BMPER: variants seen among roughly 807,000 people sequenced by gnomAD.
BMPER encodes BMP binding endothelial regulator.
In BMPER, 45 loss-of-function variants were observed where a neutral mutation model predicts 87.3. That is an observed-to-expected ratio of 0.52 (90% CI 0.41 to 0.66). BMPER has a LOEUF of 0.66. BMPER is among the 30% of genes least tolerant of loss of function. The pLI is 0.00. For missense variants in BMPER, 784 were observed against 867.5 expected (o/e 0.90, Z 1.21); for synonymous variants, 326 against 316.2 (o/e 1.03, Z -0.33).
intron 13 of BMPER, among the ~76,000 whole-genome samples, chr7:34,125,673 A>T (rs1790383019): frequency 6.6e-6 from 1 of 152,210 alleles, no homozygotes; most frequent in Non-Finnish European, 1.5e-5. Flanking sequence ...GACAGAGAGA[A>T]ATAAGCACAT....
At chr7:33,999,672 G>A (rs576994377) in intron 6 of BMPER, among the ~76,000 whole-genome samples, 13 of 152,342 alleles carry the variant, frequency 8.5e-5, no homozygotes, top group Non-Finnish European at 1.2e-4. Context: ...CAGCCTGTTG[G>A]CTGCTCAGTT....
intron 7 of BMPER, among the ~76,000 whole-genome samples, chr7:34,046,932 T>TG (rs1201030900): frequency 6.6e-6 from 1 of 151,746 alleles, no homozygotes; most frequent in African/African-American, 2.4e-5. Context: ...CTTTATTTTT[T>TG]TTTTTTTCTC....
intron 13 of BMPER, among the ~76,000 whole-genome samples, chr7:34,107,697 C>G (rs2127984973): frequency 6.6e-6 from 1 of 152,282 alleles, no homozygotes; most frequent in East Asian, 1.9e-4. Flanking sequence ...TCCAATGAGA[C>G]TGCTTTTTAT....
intron 3 of BMPER, among the ~76,000 whole-genome samples, chr7:33,941,218 T>C (rs1784757470): frequency 7.0e-6 from 1 of 143,452 alleles, no homozygotes; most frequent in South Asian, 2.1e-4. Context: ...AATATAATTT[T>C]AATATAAATA....
intron 6 of BMPER, among the ~76,000 whole-genome samples, chr7:34,041,480 C>T (rs1404651064): frequency 6.6e-6 from 1 of 152,162 alleles, no homozygotes; most frequent in East Asian, 1.9e-4. Context: ...AAAACCAAAT[C>T]TGAAAATCTT....
chr7:33,997,198 C>G (rs1238608485), intron 6 of BMPER, among the ~76,000 whole-genome samples: 1 of 152,150 alleles, frequency 6.6e-6, no homozygotes, highest in Non-Finnish European at 1.5e-5. Context: ...TGTCATGTCC[C>G]CCTCTGCTTC....
chr7:33,961,214 A>G (rs375530716), intron 3 of BMPER, among the ~76,000 whole-genome samples: 4 of 152,158 alleles, frequency 2.6e-5, no homozygotes, highest in South Asian at 4.1e-4. Context: ...AGAATAGAGG[A>G]TGAAGAGGTG....
In BMPER at chr7:34,098,508, TA is replaced by T. The variant is rs148360336; in HGVS notation, c.1745+12418del. Among the ~76,000 whole-genome samples, 1,077 of 152,350 alleles carry T rather than the reference TA, an allele frequency of 7.1e-3. 21 individuals carry two copies. Among genetic ancestry groups the T allele is most frequent in the African/African-American group, 0.024 (1,011 of 41,576 alleles). The stretch of plus-strand genomic sequence containing the variant: ...AATCTGGTGACGATACTGGAATTAA[TA>T]ATTCTTTTAACATGAAAGAGTTGTT... On this transcript the variant is annotated intron_variant, in intron 13 of 14. Coordinates refer to ENST00000649409, the MANE Select transcript of BMPER (RefSeq NM_001365308.1).
intron 2 of BMPER, among the ~76,000 whole-genome samples, chr7:33,907,330 A>G (rs1783848071): frequency 6.6e-6 from 1 of 152,176 alleles, no homozygotes; most frequent in Admixed American, 6.5e-5. Flanking sequence ...GACAAAGGGA[A>G]AGAGAGGTGA....
At chr7:33,999,675 G>A (rs1243866608) in intron 6 of BMPER, among the ~76,000 whole-genome samples, 1 of 152,204 alleles carries the variant, frequency 6.6e-6, no homozygotes, top group Admixed American at 6.5e-5. Flanking sequence ...CCTGTTGGCT[G>A]CTCAGTTTCT....
At chr7:34,147,296 AC>A (rs1320073867) in intron 14 of BMPER, among the ~76,000 whole-genome samples, 2 of 152,170 alleles carry the variant, frequency 1.3e-5, no homozygotes, top group Admixed American at 1.3e-4. Context: ...GACCTTCAGC[AC>A]CCCATAGGGG....
chr7:33,980,206 A>G (rs1477782209), intron 6 of BMPER, among the ~76,000 whole-genome samples: 1 of 152,220 alleles, frequency 6.6e-6, no homozygotes, highest in Non-Finnish European at 1.5e-5. Flanking sequence ...AAAAGAGCCA[A>G]GAGAATCACT....
chr7:33,991,666 A>G (rs1753741198), intron 6 of BMPER, among the ~76,000 whole-genome samples: 1 of 151,568 alleles, frequency 6.6e-6, no homozygotes, highest in South Asian at 2.1e-4. Context: ...TAGCTTTTGA[A>G]TGTGTTTGCT....
intron 6 of BMPER, among the ~76,000 whole-genome samples, chr7:34,041,412 T>C (rs1164396817): frequency 5.3e-5 from 8 of 152,188 alleles, no homozygotes; most frequent in African/African-American, 1.4e-4. Context: ...CCTCATCTGC[T>C]GTCACTCTTC....
intron 1 of BMPER, 26 bp downstream of exon 1, chr7:33,905,772 G>T: frequency 7.2e-7 from 1 of 1,383,888 alleles, no homozygotes; most frequent in Non-Finnish European, 9.7e-7. Context: ...GGAGGGACCG[G>T]CCCTCCGGGA....
At chr7:34,149,678 C>G (rs545448601) in intron 14 of BMPER, among the ~76,000 whole-genome samples, 13 of 152,054 alleles carry the variant, frequency 8.5e-5, no homozygotes, top group Admixed American at 1.3e-4. Context: ...GCAGAAGAAC[C>G]AGGAGAGTTC....
rs546494171 is a variant in BMPER at position 34,154,358 on chromosome 7, T to C, written c.*1085T>C. 2.0e-5 allele frequency: 3 copies of C among 152,372 alleles called. No individual in the cohort carries two copies. The East Asian group carries it at 5.8e-4, about 29-fold the overall frequency. 9.4% of individuals were successfully genotyped at this position (152,372 alleles called of 1,614,324 possible). A position where few individuals can be genotyped will look rare whatever the true frequency, so the allele number is the denominator to read the frequency against. On this transcript the variant is annotated 3_prime_UTR_variant, in exon 15 of 15. Coordinates refer to ENST00000649409, the MANE Select transcript of BMPER (RefSeq NM_001365308.1). Reference sequence around the variant, plus strand: ...TACTTGCCCTCATTTACTGATAGGCTGCTACTAGTTACCATTTGATTGTCT... The same window carrying C: ...TACTTGCCCTCATTTACTGATAGGCCGCTACTAGTTACCATTTGATTGTCT...
chr7:34,143,425 G>A (rs1416564911), intron 14 of BMPER, 65 bp downstream of exon 14: 1 of 1,601,940 alleles, frequency 6.2e-7, no homozygotes, highest in African/African-American at 1.3e-5. Context: ...GGCAATGGAG[G>A]AGACTTGTGG....
At chr7:34,106,670 C>T (rs190797245) in intron 13 of BMPER, among the ~76,000 whole-genome samples, 26 of 152,308 alleles carry the variant, frequency 1.7e-4, no homozygotes, top group Admixed American at 2.0e-4. Context: ...GCTTTTTGGG[C>T]CTTTCATCAG....
Sources: gnomAD v4.1 joint callset for allele counts (sites outside exome capture counted in the v4.1 genomes callset) on GRCh38, gnomAD v4.1.1 for gene constraint, MANE v1.5 for transcripts, NCBI Gene and HGNC (gene_info 2026-07-23, HGNC 2026-07-21) for gene names.